The following RSF1 variants were observed in gnomAD, a reference collection of about 807,000 sequenced individuals.
RSF1 encodes HBV pX-associated protein 8.
A neutral mutation model predicts 145.2 loss-of-function variants in RSF1; 13 were observed. That is an observed-to-expected ratio of 0.09 (90% CI 0.06 to 0.14). The LOEUF is 0.14. Ranked by LOEUF, RSF1 falls within the 10% of genes least tolerant of loss-of-function variation. The probability of loss-of-function intolerance (pLI) is 1.00; values close to 1 mark genes in which losing one functional copy is unlikely to be tolerated. For synonymous variants in RSF1, 577 were observed against 592.6 expected (o/e 0.97, Z 0.38); for missense variants, 1,517 against 1,718.2 (o/e 0.88, Z 2.07).
intron 1 of RSF1, among the ~76,000 whole-genome samples, chr11:77,796,960 A>C (rs1948578354): frequency 6.6e-6 from 1 of 152,226 alleles, no homozygotes; most frequent in African/African-American, 2.4e-5. Flanking sequence ...AAAGGATGTG[A>C]AGGACCTCTT....
intron 1 of RSF1, among the ~76,000 whole-genome samples, chr11:77,770,030 C>T (rs1256984855): frequency 6.6e-6 from 1 of 152,210 alleles, no homozygotes; most frequent in African/African-American, 2.4e-5. Flanking sequence ...CCACAGGCCA[C>T]TTCATCCTTG....
chr11:77,732,581 C>T (rs565214146), intron 4 of RSF1, among the ~76,000 whole-genome samples: 9 of 152,196 alleles, frequency 5.9e-5, no homozygotes, highest in African/African-American at 1.7e-4. Flanking sequence ...GGGAGGAATC[C>T]GGTGGAAGGC....
intron 5 of RSF1, among the ~76,000 whole-genome samples, chr11:77,716,432 A>T (rs967222146): frequency 2.6e-5 from 4 of 152,270 alleles, no homozygotes; most frequent in Non-Finnish European, 5.9e-5. Flanking sequence ...ATGGAATATT[A>T]TTCAACATTA....
the RSF1 span, among the ~76,000 whole-genome samples, chr11:77,840,464 G>A: frequency 6.6e-6 from 1 of 152,208 alleles, no homozygotes; most frequent in Non-Finnish European, 1.5e-5. Flanking sequence ...CGGAGGTGGA[G>A]GTTGCAGTGA....
intron 7 of RSF1, among the ~76,000 whole-genome samples, chr11:77,695,928 T>C (rs1369423551): frequency 6.6e-6 from 1 of 152,218 alleles, no homozygotes; most frequent in African/African-American, 2.4e-5. Context: ...ATTTACACTT[T>C]ATTTATTTGC....
chr11:77,788,142 CAAAAAAAAAAAAAAAAAAAAAA>C (rs66595170), intron 1 of RSF1, among the ~76,000 whole-genome samples: 1 of 3,430 alleles, frequency 2.9e-4, no homozygotes, highest in Non-Finnish European at 9.4e-4. Flanking sequence ...GACACTATCT[CAAAAAAAAAAAAAAAAAAAAAA>C]AAAAAAAAAA....
intron 4 of RSF1, chr11:77,735,121 A>T: frequency 1.4e-6 from 1 of 732,926 alleles, no homozygotes; most frequent in African/African-American, 1.7e-5. Flanking sequence ...TGCCGTGAAG[A>T]GGTGAGGGAG....
At chr11:77,860,073 G>T in the RSF1 span, among the ~76,000 whole-genome samples, 3 of 152,224 alleles carry the variant, frequency 2.0e-5, no homozygotes, top group Non-Finnish European at 2.9e-5. Context: ...GTATGCCACA[G>T]GTTGCAAGCT....
chr11:77,782,818 T>C (rs148304188), intron 1 of RSF1, among the ~76,000 whole-genome samples: 17 of 152,322 alleles, frequency 1.1e-4, no homozygotes, highest in African/African-American at 3.6e-4. Context: ...ACAGACACTA[T>C]TGATGATCAC....
At chr11:77,839,971 G>A in the RSF1 span, among the ~76,000 whole-genome samples, 4 of 152,044 alleles carry the variant, frequency 2.6e-5, no homozygotes, top group East Asian at 1.9e-4. Context: ...ATCCTGGAAC[G>A]TAAAAAAGAT....
intron 1 of RSF1, among the ~76,000 whole-genome samples, chr11:77,783,593 G>A (rs1948425643): frequency 6.6e-6 from 1 of 152,130 alleles, no homozygotes; most frequent in Non-Finnish European, 1.5e-5. Flanking sequence ...TGTAATCCCA[G>A]CGCTTTAGGA....
intron 2 of RSF1, among the ~76,000 whole-genome samples, chr11:77,748,196 G>A (rs1480196343): frequency 1.3e-5 from 2 of 150,862 alleles, no homozygotes; most frequent in Admixed American, 1.3e-4. Context: ...AGTATGGCCA[G>A]GAACAATATA....
chr11:77,841,533 G>T, the RSF1 span, among the ~76,000 whole-genome samples: 41 of 152,250 alleles, frequency 2.7e-4, no homozygotes, highest in African/African-American at 9.9e-4. Context: ...AGGGGAGTGC[G>T]TTCAAAGTCC....
chr11:77,800,633 G>A (rs2135977152), intron 1 of RSF1, among the ~76,000 whole-genome samples: 1 of 152,166 alleles, frequency 6.6e-6, no homozygotes, highest in Admixed American at 6.5e-5. Flanking sequence ...ACTTTGGAAG[G>A]GAGAGGATCA....
chr11:77,716,424 G>A (rs1960811111), intron 5 of RSF1, among the ~76,000 whole-genome samples: 1 of 152,110 alleles, frequency 6.6e-6, no homozygotes. Context: ...TATACATGAT[G>A]GAATATTATT....
At chr11:77,706,199 C>T (rs1049429596) in intron 5 of RSF1, among the ~76,000 whole-genome samples, 1 of 149,924 alleles carries the variant, frequency 6.7e-6, no homozygotes, top group Admixed American at 6.6e-5. Flanking sequence ...TGAGATTGCC[C>T]CACTGCACTC....
chr11:77,764,430 G>T, intron 2 of RSF1, 168 bp downstream of exon 2: 1 of 560,044 alleles, frequency 1.8e-6, no homozygotes, highest in East Asian at 3.1e-5. Flanking sequence ...CTGCTACTAA[G>T]TAGTAGCAAA....
At chr11:77,805,901 T>C (rs965928077) in intron 1 of RSF1, among the ~76,000 whole-genome samples, 1 of 152,154 alleles carries the variant, frequency 6.6e-6, no homozygotes, top group Non-Finnish European at 1.5e-5. Flanking sequence ...AACTACCCAC[T>C]CTCCAAGCCA....
chr11:77,794,958 A>T (rs1465467844), intron 1 of RSF1, among the ~76,000 whole-genome samples: 1 of 152,210 alleles, frequency 6.6e-6, no homozygotes, highest in Non-Finnish European at 1.5e-5. Flanking sequence ...AGAAAAACCT[A>T]AAGATTTTAC....
Sources: allele counts gnomAD v4.1 joint callset (sites outside exome capture counted in the v4.1 genomes callset), GRCh38; gene constraint gnomAD v4.1.1; transcripts MANE v1.5; gene names NCBI Gene and HGNC (gene_info 2026-07-23, HGNC 2026-07-21).